The following PHF11 variants were observed in gnomAD, a reference collection of about 807,000 sequenced individuals.
PHF11 encodes the protein PHD finger protein 11.
Under a neutral mutation model 40.5 loss-of-function variants are expected in PHF11, and 38 were observed. The observed-to-expected ratio is 0.94, with a 90% CI of 0.72 to 1.23. The LOEUF (loss-of-function observed/expected upper bound fraction) is 1.23. Ranked by LOEUF, PHF11 falls within the 50% of genes most tolerant of loss-of-function variation. PHF11 has a pLI of 0.00. For missense variants in PHF11, 369 were observed against 392.4 expected (o/e 0.94, Z 0.50); for synonymous variants, 127 against 138.2 (o/e 0.92, Z 0.57).
intron 3 of PHF11, among the ~76,000 whole-genome samples, chr13:49,514,230 T>C (rs1460197880): frequency 3.3e-5 from 5 of 152,030 alleles, no homozygotes; most frequent in Non-Finnish European, 7.4e-5. Flanking sequence ...CAGGGACAAA[T>C]GTATAGTTAG....
chr13:49,517,257 T>G (rs564269901), intron 3 of PHF11, among the ~76,000 whole-genome samples: 1 of 152,304 alleles, frequency 6.6e-6, no homozygotes, highest in East Asian at 1.9e-4. Flanking sequence ...GTGAGTGACC[T>G]CCTGTTCTGC....
At position 49,526,433 on chromosome 13, in the gene PHF11, A is replaced by G; in HGVS notation, c.816A>G (p.Glu272=). The G allele has an allele frequency of 6.2e-7, 1 of 1,607,884 alleles. No individual in the cohort carries two copies. The highest frequency in any genetic ancestry group is 8.5e-7 in the Non-Finnish European group (1 of 1,174,370). Residue 272 remains glutamate, a synonymous_variant, in exon 9 of 10, where the codon GAA becomes GAG. Coordinates refer to ENST00000378319, the MANE Select transcript of PHF11 (RefSeq NM_001040443.3). ...GSALFDCRLF[E]DTFVNFQAAI... Reference sequence around the variant, plus strand: ...CACTTTTTGACTGTAGATTGTTCGAAGACACATTTGTAAATTTTCAAGCAG... The same window carrying G: ...CACTTTTTGACTGTAGATTGTTCGAGGACACATTTGTAAATTTTCAAGCAG...
intron 1 of PHF11, among the ~76,000 whole-genome samples, chr13:49,498,034 A>G (rs1958841474): frequency 6.6e-6 from 1 of 152,118 alleles, no homozygotes; most frequent in Admixed American, 6.5e-5. Flanking sequence ...TTCTTTCTCT[A>G]TAGTACTTAT....
chr13:49,504,804 C>T (rs943862270), intron 1 of PHF11, among the ~76,000 whole-genome samples: 14 of 151,654 alleles, frequency 9.2e-5, no homozygotes, highest in Admixed American at 3.3e-4. Context: ...ATTGAGAAAT[C>T]GGATGGTTGC....
intron 3 of PHF11, among the ~76,000 whole-genome samples, chr13:49,513,849 C>T (rs1444640507): frequency 6.6e-6 from 1 of 152,148 alleles, no homozygotes; most frequent in Non-Finnish European, 1.5e-5. Context: ...CCTCTCTGGC[C>T]TCCTGTCCCC....
rs17382016 is a variant in PHF11, at chr13:49,525,564, T to C, written c.770-823T>C. Among the ~76,000 whole-genome samples, 293 of 152,278 alleles carry C rather than the reference T, an allele frequency of 1.9e-3. 1 individual carries two copies. The highest frequency in any genetic ancestry group is 3.4e-3 in the Middle Eastern group (1 of 294). On this transcript the variant is annotated intron_variant, in intron 8 of 9. Coordinates refer to ENST00000378319, the MANE Select transcript of PHF11 (RefSeq NM_001040443.3). ...TGCCCAGCCTTACTTAGCTTTCTTA[T>C]AACTTATATCCCATGAGTTTAAAAC...
intron 9 of PHF11, among the ~76,000 whole-genome samples, chr13:49,527,590 T>A (rs1959361569): frequency 6.6e-6 from 1 of 152,220 alleles, no homozygotes; most frequent in African/African-American, 2.4e-5. Context: ...TCTGTCTTAA[T>A]AGTCTTTTGA....
intron 3 of PHF11, among the ~76,000 whole-genome samples, chr13:49,515,837 G>A (rs1046303143): frequency 6.6e-5 from 10 of 152,064 alleles, no homozygotes; most frequent in African/African-American, 1.5e-4. Context: ...TATGTTCCCC[G>A]TGCAGAAAGA....
chr13:49,505,884 T>TTAA (rs1473935344), intron 1 of PHF11, among the ~76,000 whole-genome samples: 2 of 152,242 alleles, frequency 1.3e-5, no homozygotes, highest in Admixed American at 1.3e-4. Flanking sequence ...ATTTATGTCT[T>TTAA]TAATTCTCAT....
chr13:49,504,580 C>A (rs1242535508), intron 1 of PHF11, among the ~76,000 whole-genome samples: 2 of 131,128 alleles, frequency 1.5e-5, no homozygotes, highest in African/African-American at 3.0e-5. Context: ...CCGCCCCGTC[C>A]GGGAGGGAGG....
chr13:49,496,178 G>GC, intron 1 of PHF11, 83 bp downstream of exon 1: 1 of 876,778 alleles, frequency 1.1e-6, no homozygotes, highest in Non-Finnish European at 1.5e-6. Flanking sequence ...TCCGGTCGTG[G>GC]CCGCATGGGG....
intron 9 of PHF11, chr13:49,527,063 A>AAAC (rs1959332242): frequency 9.3e-6 from 1 of 107,004 alleles, no homozygotes; most frequent in South Asian, 2.7e-4. Flanking sequence ...AGAAAAAAAA[A>AAAC]AAACAAAAAC....
chr13:49,513,133 A>C lies in PHF11; in HGVS notation c.291A>C (p.Ser97=), dbSNP rs1959100215. 1 of 1,584,848 alleles carries C rather than the reference A, an allele frequency of 6.3e-7. No homozygotes were observed. Among genetic ancestry groups the C allele is most frequent in the African/African-American group, 1.3e-5 (1 of 74,312 alleles). The change falls in exon 3 of 10, where the codon TCA becomes TCC. Residue 97 remains serine (S), a synonymous_variant. Coordinates refer to ENST00000378319, the MANE Select transcript of PHF11 (RefSeq NM_001040443.3). The part of the protein sequence containing the change: ...LNPDRSFDVE[S]VKKEIQRGRK... ...CTGATAGAAGTTTTGATGTGGAATCAGTAAAGAAAGAAATCCAGAGAGGAA... is the reference window on the plus strand; with the variant it reads ...CTGATAGAAGTTTTGATGTGGAATCCGTAAAGAAAGAAATCCAGAGAGGAA...
chr13:49,524,153 G>A lies in PHF11; in HGVS notation c.706G>A (p.Glu236Lys). Reference sequence around the variant, plus strand: ...AGGACTTCTTAATTACTTACTTGAAGAAATATTAGACAAAGTTCATTCAAT... The same window carrying A: ...AGGACTTCTTAATTACTTACTTGAAAAAATATTAGACAAAGTTCATTCAAT... ...EAGLLNYLLE[E>K]ILDKVHSIPE... Residue 236 changes from glutamate to lysine, a missense_variant, in exon 8 of 10, where the codon GAA (glutamate) becomes AAA (lysine). Glu to Lys is a moderately conservative substitution (Grantham distance 56). Transcript: ENST00000378319. 1 of 1,607,606 alleles carries A rather than the reference G, an allele frequency of 6.2e-7. No individual in the cohort carries two copies. Among genetic ancestry groups the A allele is most frequent in the Non-Finnish European group, 8.5e-7 (1 of 1,174,916 alleles).
chr13:49,520,993 G>A, intron 5 of PHF11, 53 bp downstream of exon 5: 1 of 1,497,302 alleles, frequency 6.7e-7, no homozygotes, highest in Non-Finnish European at 9.1e-7. Context: ...AAACATTTAT[G>A]TAACATAAGG....
intron 1 of PHF11, among the ~76,000 whole-genome samples, chr13:49,497,960 C>T (rs1447508831): frequency 6.6e-6 from 1 of 152,164 alleles, no homozygotes; most frequent in Admixed American, 6.5e-5. Context: ...CCTTGCCTGC[C>T]CATCCTGTCT....
At chr13:49,496,308 A>G in intron 1 of PHF11, 1 of 830,614 alleles carries the variant, frequency 1.2e-6, no homozygotes, top group Non-Finnish European at 1.6e-6. Flanking sequence ...GGCGCGGCCC[A>G]GGCCAGTTCC....
intron 2 of PHF11, 102 bp downstream of exon 2, chr13:49,506,858 G>T: frequency 1.5e-6 from 1 of 651,222 alleles, no homozygotes; most frequent in African/African-American, 1.9e-5. Flanking sequence ...TAACAAGTTG[G>T]CCATGGTTTG....
chr13:49,512,926 C>A (rs1176544565), intron 2 of PHF11, 133 bp from the exon 3 acceptor site: 5 of 591,564 alleles, frequency 8.5e-6, no homozygotes, highest in African/African-American at 7.6e-5. Flanking sequence ...CATCCACCCC[C>A]AAAGTTGCCA....
Sources: gnomAD v4.1 joint callset for allele counts (sites outside exome capture counted in the v4.1 genomes callset) on GRCh38, gnomAD v4.1.1 for gene constraint, MANE v1.5 for transcripts, NCBI Gene and HGNC (gene_info 2026-07-23, HGNC 2026-07-21) for gene names.